SEPTIN4: variants seen among roughly 807,000 people sequenced by gnomAD.
The protein encoded by SEPTIN4 is septin-4.
A neutral mutation model predicts 107.1 loss-of-function variants in SEPTIN4; 52 were observed. The observed-to-expected ratio is 0.49, with a 90% CI of 0.39 to 0.61. The LOEUF (loss-of-function observed/expected upper bound fraction) is 0.61, where lower values mean the gene tolerates loss of function less well. Among genes scored for constraint, SEPTIN4 ranks in the 20% least tolerant of loss-of-function variants. The pLI, the probability that SEPTIN4 is intolerant of heterozygous loss-of-function variation, is 0.00. For synonymous variants in SEPTIN4, 417 were observed against 467.0 expected, an observed-to-expected ratio of 0.89 and a Z score of 1.38; for missense variants, 1,048 against 1,243.5, an observed-to-expected ratio of 0.84 and a Z score of 2.36.
chr17:58,520,528 C>T (rs771008423), intron 13 of SEPTIN4, 43 bp from the exon 14 acceptor site: 15 of 1,609,788 alleles, frequency 9.3e-6, no homozygotes, highest in Non-Finnish European at 1.3e-5. Flanking sequence ...TTTGGAGAGT[C>T]CTTTAGTATT....
In SEPTIN4 at chr17:58,542,852, C is replaced by T. The variant is rs375557025; in HGVS notation, c.1335G>A (p.Pro445=). ...VETPQSQLTT[P]DFEPKCSPSL... ...AAGGAGAGCACTTAGGCTCAAAATC[C>T]GGTGTTGTCAGCTGGCTTTGGGGTG... Residue 445 remains proline, a synonymous_variant, in exon 1 of 14, where the codon CCG becomes CCA. Coordinates refer to ENST00000672673, the MANE Select transcript of SEPTIN4 (RefSeq NM_001368771.2). 24 of 1,614,020 alleles carry T rather than the reference C, an allele frequency of 1.5e-5. No homozygotes were observed. The highest frequency in any genetic ancestry group is 2.2e-5 in the East Asian group (1 of 44,894).
Position 58,527,042 on chromosome 17 carries a change from TG to T in SEPTIN4, c.1615-65del. 1.9e-6 allele frequency: 3 copies of T among 1,611,394 alleles called. No homozygotes were observed. In the South Asian group the frequency reaches 3.3e-5, roughly 18 times the overall value. The stretch of plus-strand genomic sequence containing the variant: ...CGGGAAGGGAGCCGGAAGGGAAGAA[TG>T]AGGAAGGAGACAGAAGACAGGAGAA... On this transcript the variant is annotated intron_variant, in intron 3 of 13. Coordinates refer to ENST00000672673, the MANE Select transcript of SEPTIN4 (RefSeq NM_001368771.2).
At chr17:58,531,974 C>A in intron 3 of SEPTIN4, 1 of 1,146,180 alleles carries the variant, frequency 8.7e-7, no homozygotes, top group East Asian at 4.4e-5. Flanking sequence ...GGCTGCAGCC[C>A]GGGCGGGGCC....
At chr17:58,529,143 G>C (rs746228614) in intron 3 of SEPTIN4, 3 of 1,614,228 alleles carry the variant, frequency 1.9e-6, no homozygotes, top group Non-Finnish European at 2.5e-6. Flanking sequence ...CTCAGGGACA[G>C]AATTCCCTTG....
intron 6 of SEPTIN4, 138 bp from the exon 7 acceptor site, chr17:58,525,339 G>C: frequency 9.4e-7 from 1 of 1,063,898 alleles, no homozygotes. Context: ...CTGTCTGGGG[G>C]ACTGTTCTCT....
At position 58,543,338 on chromosome 17, in the gene SEPTIN4, A is replaced by G. The variant is rs1199632404; in HGVS notation, c.849T>C (p.Gly283=). 1.9e-6 allele frequency: 3 copies of G among 1,614,090 alleles called. No individual in the cohort carries two copies. The highest frequency in any genetic ancestry group is 2.5e-6 in the Non-Finnish European group (3 of 1,180,050). ...LKLSVLKDSD[G]VHRVSARVDP... ...CTACCCGTGCAGAAACTCGGTGTAC[A>G]CCATCAGAATCTTTAAGGACAGAGA... Residue 283 remains glycine (G), a synonymous_variant, in exon 1 of 14, where the codon GGT becomes GGC. Transcript: ENST00000672673.
In SEPTIN4 at chr17:58,538,056, C is replaced by T. The variant is rs894232416; in HGVS notation, c.1614+2610G>A. 6.6e-6 allele frequency among the ~76,000 whole-genome samples: 1 copy of T among 152,148 alleles called. No homozygotes were observed. The highest frequency in any genetic ancestry group is 1.9e-4 in the East Asian group (1 of 5,202). Reference sequence around the variant, plus strand: ...TTACAGTGAGCTATGGATTGCACCACTGCACTCCAACCTGGGCAACAGAAC... The same window carrying T: ...TTACAGTGAGCTATGGATTGCACCATTGCACTCCAACCTGGGCAACAGAAC... On this transcript the variant is annotated intron_variant, in intron 3 of 13. Coordinates refer to ENST00000672673, the MANE Select transcript of SEPTIN4 (RefSeq NM_001368771.2). The surrounding 1 kb of genome is among the most constrained non-coding windows in gnomAD (Gnocchi z 4.7).
Position 58,527,842 on chromosome 17 carries a change from C to T in SEPTIN4, c.1615-864G>A, listed in dbSNP as rs146068850. ...TCTCCTTACCCCCTCTGCCCAGAGC[C>T]GGCAGTGCACGAGAGGGCCTGGCCT... On this transcript the variant is annotated intron_variant, in intron 3 of 13. Coordinates refer to ENST00000672673, the MANE Select transcript of SEPTIN4 (RefSeq NM_001368771.2). The T allele has an allele frequency of 1.0e-3, 987 of 985,638 alleles. 1 individual carries two copies. The highest frequency in any genetic ancestry group is 1.2e-3 in the Admixed American group (19 of 16,288). 61.1% of individuals were successfully genotyped at this position (985,638 alleles called of 1,614,324 possible). A position where few individuals can be genotyped will look rare whatever the true frequency, so the allele number is the denominator to read the frequency against.
chr17:58,522,248 T>A (rs2042351677), intron 7 of SEPTIN4, 147 bp from the exon 8 acceptor site: 1 of 1,053,898 alleles, frequency 9.5e-7, no homozygotes. Flanking sequence ...TTTAGAGAAA[T>A]TCCTGAATGG....
Position 58,526,833 on chromosome 17 carries a change from G to T in SEPTIN4, c.1760C>A (p.Pro587Gln). The change falls in exon 4 of 14, where the codon CCG becomes CAG. Residue 587 changes from proline to glutamine, a missense_variant. Physicochemically the swap from Pro to Gln is moderately conservative, Grantham distance 76 (BLOSUM62 -1). This residue lies in a region of SEPTIN4 where 787 missense variants were observed against 871.8 expected (regional missense o/e 0.90). Transcript: ENST00000672673. ...CTCCAGGTCATCATCATAGAGGTCC[G>T]GGGCCTGGGGCCTTGGCTCCGGGAC... The part of the protein sequence containing the change: ...PQVPEPRPQA[P>Q]DLYDDDLEFR... The T allele has an allele frequency of 6.2e-7, 1 of 1,613,574 alleles. No individual in the cohort carries two copies. The highest frequency in any genetic ancestry group is 2.2e-5 in the East Asian group (1 of 44,856).
At chr17:58,526,189 C>G (rs2042847985) in intron 5 of SEPTIN4, 31 bp downstream of exon 5, 1 of 1,550,374 alleles carries the variant, frequency 6.5e-7, no homozygotes, top group East Asian at 2.3e-5. Flanking sequence ...TGAAACACAC[C>G]CTGCCCAACC....
intron 3 of SEPTIN4, 110 bp from the exon 4 acceptor site, chr17:58,527,088 G>A: frequency 6.4e-7 from 1 of 1,555,688 alleles, no homozygotes; most frequent in Non-Finnish European, 8.8e-7. Context: ...GAAAGGGAAA[G>A]CACTTGTGGT....
chr17:58,526,365 G>C (rs759634837), intron 4 of SEPTIN4, 52 bp from the exon 5 acceptor site: 1 of 1,450,352 alleles, frequency 6.9e-7, no homozygotes, highest in African/African-American at 1.5e-5. Flanking sequence ...AAGGGGCCCC[G>C]GCACCCAGCG....
intron 3 of SEPTIN4, chr17:58,527,795 T>G: frequency 1.0e-6 from 1 of 974,088 alleles, no homozygotes; most frequent in Non-Finnish European, 1.2e-6. Context: ...GAGGGACATA[T>G]AAGGGGAAGC....
intron 6 of SEPTIN4, 61 bp from the exon 7 acceptor site, chr17:58,525,262 C>A (rs147243438): frequency 3.8e-6 from 6 of 1,594,244 alleles, no homozygotes; most frequent in South Asian, 3.4e-5. Flanking sequence ...CAGGATGAAC[C>A]GCCCACCCCA....
At chr17:58,535,037 T>C (rs757890041) in intron 3 of SEPTIN4, among the ~76,000 whole-genome samples, 32 of 152,246 alleles carry the variant, frequency 2.1e-4, no homozygotes, top group Admixed American at 5.2e-4. Flanking sequence ...CCCAGTGAGA[T>C]AGATGAGTCA....
chr17:58,532,331 G>C (rs1200165781), intron 3 of SEPTIN4: 1 of 161,378 alleles, frequency 6.2e-6, no homozygotes, highest in Non-Finnish European at 1.3e-5. Context: ...CACCGCGGGG[G>C]CTTGAGCCAG....
Position 58,541,922 on chromosome 17 carries a change from C to T in SEPTIN4, c.1606G>A (p.Asp536Asn), listed in dbSNP as rs1274646987. 2 of 1,614,092 alleles carry T rather than the reference C, an allele frequency of 1.2e-6. No homozygotes were observed. Among genetic ancestry groups the T allele is most frequent in the African/African-American group, 1.3e-5 (1 of 75,038 alleles). The change falls in exon 2 of 14, where the codon GAT becomes AAT. Residue 536 changes from aspartate (D) to asparagine (N), a missense_variant and splice_region_variant. By Grantham distance (23) the Asp-to-Asn change is conservative. This residue lies in a region of SEPTIN4 where 787 missense variants were observed against 871.8 expected (regional missense o/e 0.90). Coordinates refer to ENST00000672673, the MANE Select transcript of SEPTIN4 (RefSeq NM_001368771.2). ...GCCCATAGGAGGGAAAAGCACAGACCTTTTAGCCACCAGATGACACGATTG... is the reference window on the plus strand; with the variant it reads ...GCCCATAGGAGGGAAAAGCACAGACTTTTTAGCCACCAGATGACACGATTG... ...MYNRVIWWLK[D>N]EEIKRFLEDT...
At position 58,521,660 on chromosome 17, in the gene SEPTIN4, G is replaced by A; in HGVS notation, c.2470-14C>T. ...CTCCTCCCGGATCTGACAAACAGATGAGGGGCCCACAGTTCTGGGGACCAC... is the reference window on the plus strand; with the variant it reads ...CTCCTCCCGGATCTGACAAACAGATAAGGGGCCCACAGTTCTGGGGACCAC... On this transcript the variant is annotated splice_polypyrimidine_tract_variant and intron_variant, in intron 9 of 13. Transcript: ENST00000672673. This position sits in a 1 kb window ranked among gnomAD's most constrained non-coding sequence, Gnocchi z 6.4. 1.2e-6 allele frequency: 2 copies of A among 1,614,122 alleles called. No individual in the cohort carries two copies. Among genetic ancestry groups the A allele is most frequent in the Non-Finnish European group, 1.7e-6 (2 of 1,179,954 alleles).
Sources: gnomAD v4.1 joint callset for allele counts (sites outside exome capture counted in the v4.1 genomes callset) on GRCh38, gnomAD v4.1.1 for gene constraint, gnomAD v4.1.1 regional missense constraint, Gnocchi (gnomAD v3.1) non-coding constraint, MANE v1.5 for transcripts, NCBI Gene and HGNC (gene_info 2026-07-23, HGNC 2026-07-21) for gene names.